The following RIMS3 variants were observed in gnomAD, a reference collection of about 807,000 sequenced individuals.
The protein encoded by RIMS3 is regulating synaptic membrane exocytosis protein 3.
RIMS3 carries 15 observed loss-of-function variants against 29.2 expected under a neutral mutation model. That is an observed-to-expected ratio of 0.51 (90% CI 0.34 to 0.79). The LOEUF (loss-of-function observed/expected upper bound fraction) is 0.79. Ranked by LOEUF, RIMS3 falls within the 30% of genes least tolerant of loss-of-function variation. The pLI, the probability that RIMS3 is intolerant of heterozygous loss-of-function variation, is 0.01. For synonymous variants in RIMS3, 161 were observed against 170.1 expected (o/e 0.95, Z 0.41); for missense variants, 342 against 421.4 (o/e 0.81, Z 1.65).
chr1:40,636,053 C>T lies in RIMS3; in HGVS notation c.222G>A (p.Gly74=). 1 of 1,603,092 alleles carries T rather than the reference C, an allele frequency of 6.2e-7. No homozygotes were observed. The highest frequency in any genetic ancestry group is 8.5e-7 in the Non-Finnish European group (1 of 1,179,934). The change falls in exon 4 of 8, where the codon GGG becomes GGA. Residue 74 remains glycine (G), a synonymous_variant. Coordinates refer to ENST00000372684, the MANE Select transcript of RIMS3 (RefSeq NM_014747.3). This position sits in a 1 kb window ranked among gnomAD's most constrained non-coding sequence, Gnocchi z 4.2. The stretch of plus-strand genomic sequence containing the variant: ...TGTTGCTGCGCAGCTTCTTGGTGGC[C>T]CCTTCTGTGACCCCCCCAACCCCAA... ...KSTLQLPQPE[G]ATKKLRSNIR...
intron 1 of RIMS3, among the ~76,000 whole-genome samples, chr1:40,660,522 C>T (rs1361038262): frequency 2.0e-5 from 3 of 151,876 alleles, no homozygotes; most frequent in Non-Finnish European, 4.4e-5. Context: ...GGAATACAGG[C>T]AAGCGCCACC....
intron 1 of RIMS3, among the ~76,000 whole-genome samples, chr1:40,650,148 C>T (rs917431421): frequency 1.3e-5 from 2 of 152,112 alleles, no homozygotes; most frequent in Admixed American, 6.5e-5. Flanking sequence ...TAAGGCAGAC[C>T]CAGGGCTGGG....
intron 7 of RIMS3, among the ~76,000 whole-genome samples, chr1:40,628,131 C>A (rs1338243139): frequency 6.6e-6 from 1 of 152,162 alleles, no homozygotes; most frequent in Non-Finnish European, 1.5e-5. Context: ...TACATGCAAT[C>A]CTCTGTTTAA....
intron 5 of RIMS3, 67 bp downstream of exon 5, chr1:40,633,002 A>C: frequency 7.9e-7 from 1 of 1,269,566 alleles, no homozygotes; most frequent in Non-Finnish European, 1.2e-6. Context: ...CAGGGCCCCC[A>C]CTGAGCTCAC....
Position 40,635,920 on chromosome 1 carries a change from CGT to C in RIMS3, c.353_354del (p.Asp118GlyfsTer13). Reference sequence around the variant, plus strand: ...ACAGCACGGGGCTGCACGCACGTGCCGTCGGAGCTGTTGCTGTTGGTGCTCCC... The same window carrying C: ...ACAGCACGGGGCTGCACGCACGTGCCCGGAGCTGTTGCTGTTGGTGCTCCC... Reference protein sequence around the residue: ...TDGSTNSNSSDGTFIFPTTRL... With the variant: ...TDGSTNSNSSXGTFIFPTTRL... On this transcript the variant is annotated frameshift_variant, in exon 4 of 8. Transcript: ENST00000372684. LOFTEE classifies it high-confidence loss of function. This position sits in a 1 kb window ranked among gnomAD's most constrained non-coding sequence, Gnocchi z 4.1. The C allele has an allele frequency of 6.2e-7, 1 of 1,612,818 alleles. No individual in the cohort carries two copies. Among genetic ancestry groups the C allele is most frequent in the East Asian group, 2.2e-5 (1 of 44,876 alleles).
intron 2 of RIMS3, among the ~76,000 whole-genome samples, chr1:40,642,546 C>T (rs1043122414): frequency 2.6e-5 from 4 of 152,164 alleles, no homozygotes; most frequent in African/African-American, 4.8e-5. Flanking sequence ...CACCCTTTAT[C>T]GTACTCTTGA....
At chr1:40,678,509 G>A in the RIMS3 span, among the ~76,000 whole-genome samples, 1 of 152,098 alleles carries the variant, frequency 6.6e-6, no homozygotes, top group African/African-American at 2.4e-5. Flanking sequence ...CTCTGTTTTG[G>A]GCCTCCTTGC....
At chr1:40,681,951 C>T in the RIMS3 span, among the ~76,000 whole-genome samples, 3 of 152,104 alleles carry the variant, frequency 2.0e-5, no homozygotes, top group Non-Finnish European at 4.4e-5. Flanking sequence ...TTCCTGCCTC[C>T]GCCTCCCAAG....
chr1:40,643,429 G>A (rs1007506704), intron 2 of RIMS3, among the ~76,000 whole-genome samples: 34 of 151,194 alleles, frequency 2.2e-4, no homozygotes, highest in African/African-American at 7.1e-4. Context: ...CACCGGGCCT[G>A]GCTTCTTTCC....
In RIMS3 at chr1:40,628,847, A is replaced by G; in HGVS notation, c.677T>C (p.Leu226Pro). ...GCCCTGGGGTCCCTCGTCAAAGAGC[A>G]GAGCCTGCTGGTACAGGGGATCACA... ...KTCDPLYQQA[L>P]LFDEGPQGKV... Residue 226 changes from leucine to proline, a missense_variant, in exon 7 of 8, where the codon CTG becomes CCG. Transcript: ENST00000372684. 6.2e-7 allele frequency: 1 copy of G among 1,614,188 alleles called. No individual in the cohort carries two copies. Among genetic ancestry groups the G allele is most frequent in the Non-Finnish European group, 8.5e-7 (1 of 1,180,046 alleles).
chr1:40,645,546 G>A (rs1028711264), intron 2 of RIMS3, among the ~76,000 whole-genome samples: 2 of 152,134 alleles, frequency 1.3e-5, no homozygotes, highest in African/African-American at 4.8e-5. Flanking sequence ...TGGGCCCTTT[G>A]AGAAAACTAA....
At chr1:40,658,947 T>C (rs940918011) in intron 1 of RIMS3, among the ~76,000 whole-genome samples, 5 of 151,972 alleles carry the variant, frequency 3.3e-5, no homozygotes, top group Non-Finnish European at 7.4e-5. Flanking sequence ...GAGCCGGAGG[T>C]ACGCAGATGA....
Position 40,633,166 on chromosome 1 carries a change from A to G in RIMS3, c.375T>C (p.Thr125=), listed in dbSNP as rs748611600. The change falls in exon 5 of 8, where the codon ACT becomes ACC. Residue 125 remains threonine (T), a synonymous_variant. Transcript: ENST00000372684. Reference sequence around the variant, plus strand: ...ACTGGCTTTCAGCCCCTAGCCGGGTAGTGGGGAAGATGAACCTGCAGGAGG... The same window carrying G: ...ACTGGCTTTCAGCCCCTAGCCGGGTGGTGGGGAAGATGAACCTGCAGGAGG... ...NSSDGTFIFP[T]TRLGAESQFS... The G allele has an allele frequency of 8.1e-6, 13 of 1,613,650 alleles. No individual in the cohort carries two copies. In the African/African-American group the frequency reaches 1.6e-4, roughly 20 times the overall value.
intron 2 of RIMS3, among the ~76,000 whole-genome samples, chr1:40,644,432 A>G (rs1256787831): frequency 1.3e-5 from 2 of 152,220 alleles, no homozygotes; most frequent in African/African-American, 4.8e-5. Context: ...GCCCATGTTG[A>G]ATGCCAAGGA....
chr1:40,667,102 C>G (rs914895703), upstream of RIMS3, among the ~76,000 whole-genome samples: 1 of 152,002 alleles, frequency 6.6e-6, no homozygotes, highest in Non-Finnish European at 1.5e-5. Flanking sequence ...CTGGGGATTG[C>G]TAGGAGGCAT....
upstream of RIMS3, among the ~76,000 whole-genome samples, chr1:40,666,240 C>G (rs1217830417): frequency 6.6e-6 from 1 of 152,212 alleles, no homozygotes; most frequent in Non-Finnish European, 1.5e-5. Context: ...CCCCTGCGCT[C>G]TCTACTTCTA....
chr1:40,645,480 C>T (rs923904199), intron 2 of RIMS3, among the ~76,000 whole-genome samples: 2 of 152,188 alleles, frequency 1.3e-5, no homozygotes, highest in Admixed American at 6.5e-5. Flanking sequence ...CATCCCCTGT[C>T]CCTTCAACCA....
upstream of RIMS3, among the ~76,000 whole-genome samples, chr1:40,668,463 G>A (rs1334406868): frequency 1.5e-5 from 2 of 130,676 alleles, no homozygotes; most frequent in African/African-American, 5.7e-5. Context: ...CAGACAAATG[G>A]GGGGCGGAGT....
intron 2 of RIMS3, 104 bp from the exon 3 acceptor site, chr1:40,642,060 T>C: frequency 1.5e-6 from 1 of 684,838 alleles, no homozygotes; most frequent in African/African-American, 1.8e-5. Context: ...TCACTTGACC[T>C]CTCTGAGGCT....
Sources: gnomAD v4.1 joint callset for allele counts (sites outside exome capture counted in the v4.1 genomes callset) on GRCh38, gnomAD v4.1.1 for gene constraint, Gnocchi (gnomAD v3.1) non-coding constraint, MANE v1.5 for transcripts, NCBI Gene and HGNC (gene_info 2026-07-23, HGNC 2026-07-21) for gene names.